ADGRD1: variants seen among roughly 807,000 people sequenced by gnomAD.
ADGRD1 encodes G-protein coupled receptor 133.
In ADGRD1, 77 loss-of-function variants were observed where a neutral mutation model predicts 113.4. The ratio of observed to expected loss-of-function variants is 0.68; its 90% CI spans 0.57 to 0.82. The LOEUF is 0.82. Among genes scored for constraint, ADGRD1 ranks in the 40% least tolerant of loss-of-function variants. The pLI, the probability that ADGRD1 is intolerant of heterozygous loss-of-function variation, is 0.00. For synonymous variants in ADGRD1, 474 were observed against 475.0 expected (o/e 1.00, Z 0.03); for missense variants, 1,036 against 1,139.1 (o/e 0.91, Z 1.30).
At chr12:131,010,419 T>C (rs1877726709) in intron 12 of ADGRD1, among the ~76,000 whole-genome samples, 1 of 152,238 alleles carries the variant, frequency 6.6e-6, no homozygotes, top group African/African-American at 2.4e-5. Flanking sequence ...ATGGTAACTG[T>C]GAGGACTTGA....
rs114911394 is a variant in ADGRD1 at position 131,130,344 on chromosome 12, T to C, written c.2176-1381T>C. Reference sequence around the variant, plus strand: ...AGCTTCCAGGTGTTGAGGTGGTCAGTGAAGACAGGAGCCGAGGAGGGAACA... The same window carrying C: ...AGCTTCCAGGTGTTGAGGTGGTCAGCGAAGACAGGAGCCGAGGAGGGAACA... On this transcript the variant is annotated intron_variant, in intron 20 of 24. Transcript: ENST00000261654. Among the ~76,000 whole-genome samples, 1,286 of 152,250 alleles carry C rather than the reference T, an allele frequency of 8.4e-3. 14 individuals are homozygous for C. The highest frequency in any genetic ancestry group is 0.028 in the African/African-American group (1,161 of 41,546).
intron 13 of ADGRD1, among the ~76,000 whole-genome samples, chr12:131,024,981 C>T (rs1879787788): frequency 6.6e-6 from 1 of 152,228 alleles, no homozygotes; most frequent in Admixed American, 6.5e-5. Context: ...AGGCACTTCT[C>T]ACCTCCCGGC....
Position 130,982,098 on chromosome 12 carries a change from TGGAGGAGTGGA to T in ADGRD1, c.490+37_490+47del, listed in dbSNP as rs535488096. 3.3e-3 allele frequency: 5,119 copies of T among 1,554,952 alleles called. 145 individuals are homozygous for T. In the African/African-American group the frequency reaches 0.061, roughly 19 times the overall value. On this transcript the variant is annotated intron_variant, in intron 5 of 24. Coordinates refer to ENST00000261654, the MANE Select transcript of ADGRD1 (RefSeq NM_198827.5). ...AGCATCGGTCCCGGGAGGCTCTGCC[TGGAGGAGTGGA>T]GTCTTCTCTGAGAATGGACGCTGAG...
intron 13 of ADGRD1, among the ~76,000 whole-genome samples, chr12:131,053,807 G>GT (rs1883618473): frequency 6.6e-6 from 1 of 152,184 alleles, no homozygotes; most frequent in African/African-American, 2.4e-5. Context: ...AAACACTTCA[G>GT]TTTTGCTGAT....
intron 13 of ADGRD1, chr12:131,070,398 C>A (rs933399142): frequency 6.2e-6 from 1 of 162,530 alleles, no homozygotes; most frequent in Non-Finnish European, 1.4e-5. Context: ...CAGACAGAGA[C>A]GAAGGGCAGC....
intron 20 of ADGRD1, among the ~76,000 whole-genome samples, chr12:131,124,101 C>T (rs547564641): frequency 2.6e-5 from 4 of 152,314 alleles, no homozygotes; most frequent in East Asian, 1.9e-4. Flanking sequence ...CAGCCTACCC[C>T]TGCGGGGAGT....
At chr12:130,960,428 T>G (rs1370429346) in intron 2 of ADGRD1, among the ~76,000 whole-genome samples, 1 of 152,204 alleles carries the variant, frequency 6.6e-6, no homozygotes, top group East Asian at 1.9e-4. Flanking sequence ...ATTCTTCATC[T>G]TCATAGTATT....
intron 14 of ADGRD1, among the ~76,000 whole-genome samples, chr12:131,080,830 C>T (rs1275839883): frequency 6.6e-6 from 1 of 152,154 alleles, no homozygotes; most frequent in African/African-American, 2.4e-5. Context: ...CCGTGTTAGC[C>T]AGGATGGTCT....
chr12:131,062,025 GTTTTTTGTTTTTTT>G, intron 13 of ADGRD1, among the ~76,000 whole-genome samples: 1 of 152,058 alleles, frequency 6.6e-6, no homozygotes, highest in African/African-American at 2.4e-5. Context: ...TTGTTTGTTT[GTTTTTTGTTTTTTT>G]TTTTTGAGAT....
intron 23 of ADGRD1, chr12:131,137,934 T>TC: frequency 1.8e-6 from 1 of 564,820 alleles, no homozygotes; most frequent in Non-Finnish European, 3.2e-6. Context: ...ACACCCAGCT[T>TC]CCCTGGCCTG....
At chr12:131,102,032 G>C (rs1017361500) in intron 15 of ADGRD1, among the ~76,000 whole-genome samples, 3 of 152,186 alleles carry the variant, frequency 2.0e-5, no homozygotes, top group Admixed American at 6.5e-5. Flanking sequence ...TGAACAGGGG[G>C]GTTTATTTTA....
chr12:131,059,460 C>T (rs555584602), intron 13 of ADGRD1, among the ~76,000 whole-genome samples: 1 of 152,204 alleles, frequency 6.6e-6, no homozygotes, highest in Admixed American at 6.5e-5. Flanking sequence ...GGATTACAGA[C>T]GTTAGCCACC....
intron 6 of ADGRD1, 81 bp downstream of exon 6, chr12:130,987,430 C>G (rs1336986638): frequency 1.3e-6 from 2 of 1,526,978 alleles, no homozygotes; most frequent in African/African-American, 2.7e-5. Context: ...TCTCCCCACT[C>G]TCCCGTTGCA....
At chr12:131,019,014 C>T (rs991964191) in intron 13 of ADGRD1, among the ~76,000 whole-genome samples, 8 of 152,234 alleles carry the variant, frequency 5.3e-5, no homozygotes, top group African/African-American at 1.7e-4. Context: ...TCAGAACAGC[C>T]GTGGTGGCCC....
At chr12:131,092,999 G>T (rs993012855) in intron 15 of ADGRD1, among the ~76,000 whole-genome samples, 3 of 151,374 alleles carry the variant, frequency 2.0e-5, no homozygotes, top group Admixed American at 2.0e-4. Context: ...TCAGGGCGAG[G>T]TCCCCAGGGC....
chr12:131,007,891 AATC>A (rs2307655), intron 12 of ADGRD1, among the ~76,000 whole-genome samples: 80,238 of 151,894 alleles, frequency 0.53, 22,166 homozygotes, highest in East Asian at 0.81. Flanking sequence ...CCTGGAAAAA[AATC>A]ATGCAAACAG....
intron 13 of ADGRD1, chr12:131,025,523 C>G (rs1879833960): frequency 6.6e-6 from 1 of 151,466 alleles, no homozygotes; most frequent in Non-Finnish European, 1.5e-5. Flanking sequence ...TCTTGAGGCC[C>G]GAGGCTGAGA....
At chr12:130,979,830 C>A (rs1031283488) in intron 4 of ADGRD1, among the ~76,000 whole-genome samples, 3 of 146,876 alleles carry the variant, frequency 2.0e-5, no homozygotes, top group African/African-American at 5.4e-5. Flanking sequence ...CACACACACA[C>A]ACACACACAC....
In ADGRD1 at chr12:131,129,242, G is replaced by A. The variant is rs376832684; in HGVS notation, c.2176-2483G>A. On this transcript the variant is annotated intron_variant, in intron 20 of 24. Coordinates refer to ENST00000261654, the MANE Select transcript of ADGRD1 (RefSeq NM_198827.5). ...CTGTCTGGGTGTGAGTGACAGGCCC[G>A]CCCTGCTGTCTGGGTGTGAGTGACA... 1.5e-3 allele frequency among the ~76,000 whole-genome samples: 195 copies of A among 130,358 alleles called. 1 individual carries two copies. Among genetic ancestry groups the A allele is most frequent in the East Asian group, 7.2e-3 (28 of 3,878 alleles). The allele number at this position is 130,358 out of a possible 152,430, so 85.5% of individuals were successfully genotyped here.
Sources: gnomAD v4.1 joint callset for allele counts (sites outside exome capture counted in the v4.1 genomes callset) on GRCh38, gnomAD v4.1.1 for gene constraint, MANE v1.5 for transcripts, NCBI Gene and HGNC (gene_info 2026-07-23, HGNC 2026-07-21) for gene names.